Variants in FER observed in about 807,000 individuals in gnomAD.
FER encodes the protein FER tyrosine kinase, also known as tyrosine-protein kinase Fer.
A neutral mutation model predicts 111.0 loss-of-function variants in FER; 63 were observed. The observed-to-expected ratio is 0.57, with a 90% CI of 0.46 to 0.70. The LOEUF (loss-of-function observed/expected upper bound fraction) is 0.70. Ranked by LOEUF, FER falls within the 30% of genes least tolerant of loss-of-function variation. FER has a pLI of 0.00. For synonymous variants in FER, 327 were observed against 313.9 expected, an observed-to-expected ratio of 1.04 and a Z score of -0.44; for missense variants, 914 against 954.0, an observed-to-expected ratio of 0.96 and a Z score of 0.55.
chr5:109,173,321 T>C (rs1757332844), intron 17 of FER, among the ~76,000 whole-genome samples: 2 of 152,322 alleles, frequency 1.3e-5, no homozygotes, highest in African/African-American at 2.4e-5. Flanking sequence ...AGCAACCTCA[T>C]TGAAGGGAAT....
At chr5:108,894,829 T>C (rs1748811694) in intron 9 of FER, among the ~76,000 whole-genome samples, 1 of 152,032 alleles carries the variant, frequency 6.6e-6, no homozygotes, top group Non-Finnish European at 1.5e-5. Context: ...CCAGATCTCA[T>C]GAGACTCACG....
At chr5:108,878,461 G>T (rs1405037735) in intron 8 of FER, among the ~76,000 whole-genome samples, 1 of 151,986 alleles carries the variant, frequency 6.6e-6, no homozygotes, top group African/African-American at 2.4e-5. Flanking sequence ...ATTATTTTAT[G>T]CATATTCCTT....
At chr5:109,023,168 G>T (rs1011777901) in intron 13 of FER, among the ~76,000 whole-genome samples, 1 of 152,086 alleles carries the variant, frequency 6.6e-6, no homozygotes, top group Non-Finnish European at 1.5e-5. Flanking sequence ...TGTATGTGTC[G>T]AGTGATGTTT....
intron 13 of FER, among the ~76,000 whole-genome samples, chr5:109,004,212 A>T (rs1221807324): frequency 1.3e-5 from 2 of 152,100 alleles, no homozygotes; most frequent in East Asian, 3.8e-4. Context: ...CTACTTAAAC[A>T]TTTATGTCCT....
At chr5:108,749,386 T>G (rs1455476366) in intron 1 of FER, among the ~76,000 whole-genome samples, 2 of 147,792 alleles carry the variant, frequency 1.4e-5, no homozygotes, top group Non-Finnish European at 3.0e-5. Context: ...TCGCGGGGTC[T>G]GGGGGCTGAT....
intron 13 of FER, among the ~76,000 whole-genome samples, chr5:108,978,910 T>C (rs1445566197): frequency 6.6e-6 from 1 of 152,136 alleles, no homozygotes; most frequent in East Asian, 1.9e-4. Context: ...AATATTCAGA[T>C]TGGAGAAATT....
chr5:108,974,985 A>G (rs554341840), intron 13 of FER, among the ~76,000 whole-genome samples: 27 of 152,366 alleles, frequency 1.8e-4, no homozygotes, highest in Admixed American at 2.6e-4. Flanking sequence ...TGCAATAGCA[A>G]AGACTTGGAA....
intron 10 of FER, among the ~76,000 whole-genome samples, chr5:108,912,553 G>C (rs1458360519): frequency 1.3e-5 from 2 of 152,090 alleles, no homozygotes; most frequent in Non-Finnish European, 2.9e-5. Flanking sequence ...GTAGAGACTG[G>C]GTTTTGCCAT....
At position 109,195,969 on chromosome 5, in the gene FER, C is replaced by G. The variant is rs2126920806; in HGVS notation, c.*8394C>G. 1 of 152,274 alleles carries G rather than the reference C, an allele frequency of 6.6e-6. No individual in the cohort carries two copies. The highest frequency in any genetic ancestry group is 2.4e-5 in the African/African-American group (1 of 41,528). The allele number at this position is 152,274 out of a possible 1,614,324, so 9.4% of individuals were successfully genotyped here. A position where few individuals can be genotyped will look rare whatever the true frequency, so the allele number is the denominator to read the frequency against. ...CGTGTTTTTTCTTGGTTTTGTCTGGCTTCTTCTGGCAAGTGCCCTAAAAGA... is the reference window on the plus strand; with the variant it reads ...CGTGTTTTTTCTTGGTTTTGTCTGGGTTCTTCTGGCAAGTGCCCTAAAAGA... On this transcript the variant is annotated 3_prime_UTR_variant, in exon 20 of 20. Coordinates refer to ENST00000281092, the MANE Select transcript of FER (RefSeq NM_005246.4).
chr5:109,179,590 A>C (rs1424775842), intron 17 of FER, among the ~76,000 whole-genome samples: 1 of 152,174 alleles, frequency 6.6e-6, no homozygotes, highest in East Asian at 1.9e-4. Flanking sequence ...TGTAAGTTCC[A>C]CATCTGTGGA....
At chr5:109,032,011 T>C (rs1009083131) in intron 13 of FER, among the ~76,000 whole-genome samples, 14 of 152,162 alleles carry the variant, frequency 9.2e-5, no homozygotes, top group African/African-American at 3.4e-4. Flanking sequence ...ATAACTACCA[T>C]TTTACATGAG....
At position 109,195,219 on chromosome 5, in the gene FER, T is replaced by G. The variant is rs1407421496; in HGVS notation, c.*7644T>G. 1 of 152,196 alleles carries G rather than the reference T, an allele frequency of 6.6e-6. No individual in the cohort carries two copies. The highest frequency in any genetic ancestry group is 1.5e-5 in the Non-Finnish European group (1 of 68,042). The allele number at this position is 152,196 out of a possible 1,614,324, so 9.4% of individuals were successfully genotyped here. ...GAGCCATGCTTGATAGGACTTTGAA[T>G]ATTTTCTCCTTAATTAAAGTACGTT... On this transcript the variant is annotated 3_prime_UTR_variant, in exon 20 of 20. Transcript: ENST00000281092.
At chr5:109,177,998 T>C (rs1757890368) in intron 17 of FER, among the ~76,000 whole-genome samples, 1 of 152,150 alleles carries the variant, frequency 6.6e-6, no homozygotes, top group Admixed American at 6.5e-5. Context: ...AAAGTGTGAC[T>C]CAGAACTGGG....
At chr5:108,977,877 C>A (rs1761571474) in intron 13 of FER, among the ~76,000 whole-genome samples, 1 of 152,116 alleles carries the variant, frequency 6.6e-6, no homozygotes, top group South Asian at 2.1e-4. Context: ...GATGGAGTCT[C>A]ACTATGTCAC....
chr5:109,179,579 C>T (rs1758061268), intron 17 of FER, among the ~76,000 whole-genome samples: 2 of 152,070 alleles, frequency 1.3e-5, no homozygotes, highest in Admixed American at 6.6e-5. Context: ...ATGACTGTAT[C>T]TGTAAGTTCC....
At chr5:108,807,308 C>G (rs959344724) in intron 3 of FER, among the ~76,000 whole-genome samples, 6 of 152,168 alleles carry the variant, frequency 3.9e-5, no homozygotes, top group Admixed American at 3.9e-4. Flanking sequence ...ATGTCTTTAT[C>G]AGCAGTGTGA....
At chr5:108,893,767 T>C (rs1222843309) in intron 9 of FER, among the ~76,000 whole-genome samples, 1 of 152,084 alleles carries the variant, frequency 6.6e-6, no homozygotes, top group Non-Finnish European at 1.5e-5. Flanking sequence ...CTTATGGTCA[T>C]AAGAGCTTGA....
At chr5:109,071,374 C>T (rs927833493) in intron 16 of FER, among the ~76,000 whole-genome samples, 1 of 151,992 alleles carries the variant, frequency 6.6e-6, no homozygotes, top group East Asian at 1.9e-4. Context: ...GGAAAAATAT[C>T]ACACAGGCAA....
intron 16 of FER, among the ~76,000 whole-genome samples, chr5:109,084,002 A>G (rs1561873721): frequency 6.6e-6 from 1 of 152,068 alleles, no homozygotes; most frequent in Non-Finnish European, 1.5e-5. Flanking sequence ...CCTAGACCTA[A>G]CAAAGTATAA....
Sources: allele counts gnomAD v4.1 joint callset (sites outside exome capture counted in the v4.1 genomes callset), GRCh38; gene constraint gnomAD v4.1.1; transcripts MANE v1.5; gene names NCBI Gene and HGNC (gene_info 2026-07-23, HGNC 2026-07-21).